CCDC88C: variants seen among roughly 807,000 people sequenced by gnomAD.
CCDC88C encodes coiled-coil and HOOK domain protein 88C.
Under a neutral mutation model 198.8 loss-of-function variants are expected in CCDC88C, and 131 were observed. That is an observed-to-expected ratio of 0.66 (90% confidence interval 0.57 to 0.76). The LOEUF (loss-of-function observed/expected upper bound fraction) is 0.76. Among genes scored for constraint, CCDC88C ranks in the 30% least tolerant of loss-of-function variants. The pLI is 0.00. For missense variants in CCDC88C, 2,553 were observed against 2,631.6 expected (o/e 0.97, Z 0.65); for synonymous variants, 1,166 against 1,114.7 (o/e 1.05, Z -0.92).
At chr14:91,393,578 G>A (rs1283747712) in intron 3 of CCDC88C, among the ~76,000 whole-genome samples, 1 of 152,180 alleles carries the variant, frequency 6.6e-6, no homozygotes, top group Non-Finnish European at 1.5e-5. Flanking sequence ...AACCACCAAC[G>A]CTTCCTTCTT....
Position 91,393,970 on chromosome 14 carries a change from G to A in CCDC88C, c.270+14689C>T, listed in dbSNP as rs190777147. ...GAGCACAAAAAGTGCCAGCTGCTCC[G>A]GAGTTTCTGTCCTTTAAGTAGCCAC... is the stretch of plus-strand genomic sequence containing the variant. On this transcript the variant is annotated intron_variant, in intron 3 of 29. Coordinates refer to ENST00000389857, the MANE Select transcript of CCDC88C (RefSeq NM_001080414.4). Among the ~76,000 whole-genome samples the A allele has an allele frequency of 1.8e-4, 27 of 152,324 alleles. No homozygotes were observed. The East Asian group carries it at 2.3e-3, about 13-fold the overall frequency.
intron 4 of CCDC88C, 119 bp downstream of exon 4, chr14:91,359,523 G>C (rs368437153): frequency 8.1e-6 from 6 of 740,290 alleles, no homozygotes; most frequent in Non-Finnish European, 1.4e-5. Context: ...TCACCAAAAC[G>C]ATCACGTGTT....
chr14:91,402,329 A>T (rs980256638), intron 3 of CCDC88C, among the ~76,000 whole-genome samples: 6 of 152,238 alleles, frequency 3.9e-5, no homozygotes, highest in African/African-American at 1.4e-4. Flanking sequence ...TTCCTTCTTC[A>T]AACAAAATGT....
At chr14:91,275,024 G>A (rs1889894735) in intron 29 of CCDC88C, among the ~76,000 whole-genome samples, 1 of 152,196 alleles carries the variant, frequency 6.6e-6, no homozygotes, top group Non-Finnish European at 1.5e-5. Flanking sequence ...GACGCCCAGA[G>A]AGTGGGGGCG....
chr14:91,373,245 C>G (rs141147841), intron 3 of CCDC88C, among the ~76,000 whole-genome samples: 12 of 152,140 alleles, frequency 7.9e-5, no homozygotes, highest in Non-Finnish European at 1.2e-4. Flanking sequence ...AAAACACACA[C>G]GATACCAGTG....
intron 1 of CCDC88C, 159 bp downstream of exon 1, chr14:91,417,472 C>T: frequency 6.7e-6 from 4 of 599,320 alleles, no homozygotes; most frequent in Non-Finnish European, 1.1e-5. Context: ...GCTCCGGACT[C>T]CAGGACGCGG....
At chr14:91,413,823 T>C (rs1028874021) in intron 2 of CCDC88C, among the ~76,000 whole-genome samples, 1 of 152,210 alleles carries the variant, frequency 6.6e-6, no homozygotes, top group Non-Finnish European at 1.5e-5. Context: ...GGTAACAGCC[T>C]CTTATCTGAG....
chr14:91,345,427 G>A (rs1378827556), intron 4 of CCDC88C, among the ~76,000 whole-genome samples: 6 of 151,774 alleles, frequency 4.0e-5, no homozygotes, highest in African/African-American at 9.7e-5. Flanking sequence ...TCCTGACCTC[G>A]TGATCTGCTC....
rs1048289883 is a variant in CCDC88C at position 91,284,896 on chromosome 14, G to A, written c.4442-1379C>T. 1.3e-5 allele frequency among the ~76,000 whole-genome samples: 2 copies of A among 152,198 alleles called. No individual in the cohort carries two copies. Among genetic ancestry groups the A allele is most frequent in the African/African-American group, 4.8e-5 (2 of 41,440 alleles). ...AGGATATGACAAAAATAACGGAGGT[G>A]GTACAGGGATGGCTAGAGACAGGAA... On this transcript the variant is annotated intron_variant, in intron 25 of 29. Coordinates refer to ENST00000389857, the MANE Select transcript of CCDC88C (RefSeq NM_001080414.4). The surrounding 1 kb of genome is among the most constrained non-coding windows in gnomAD (Gnocchi z 4.1).
intron 22 of CCDC88C, among the ~76,000 whole-genome samples, chr14:91,295,030 A>G (rs1998349): frequency 1 from 152,139 of 152,250 alleles, 76,015 homozygotes; most frequent in Middle Eastern, 1. Context: ...GGATTCCAAT[A>G]CGCGACTATG....
intron 3 of CCDC88C, among the ~76,000 whole-genome samples, chr14:91,391,935 C>T (rs1034801866): frequency 6.6e-6 from 1 of 151,984 alleles, no homozygotes; most frequent in African/African-American, 2.4e-5. Context: ...GAGACGGAGT[C>T]TTGCTCTGTC....
intron 4 of CCDC88C, among the ~76,000 whole-genome samples, chr14:91,358,175 C>T (rs935848754): frequency 3.9e-5 from 6 of 152,352 alleles, no homozygotes; most frequent in Middle Eastern, 3.4e-3. Context: ...AGACTGCTCT[C>T]CTACCAGCTT....
At chr14:91,359,617 GGA>G in intron 4 of CCDC88C, 23 bp downstream of exon 4, 1 of 1,589,820 alleles carries the variant, frequency 6.3e-7, no homozygotes, top group Non-Finnish European at 8.6e-7. Flanking sequence ...GCACCACAGG[GGA>G]GAAGGGAGCG....
At chr14:91,390,286 G>A (rs1330376385) in intron 3 of CCDC88C, among the ~76,000 whole-genome samples, 1 of 152,052 alleles carries the variant, frequency 6.6e-6, no homozygotes, top group Non-Finnish European at 1.5e-5. Context: ...TTTAAGCACG[G>A]CGTCTGGCAC....
intron 13 of CCDC88C, among the ~76,000 whole-genome samples, chr14:91,316,135 C>G (rs1219812946): frequency 1.3e-5 from 2 of 152,224 alleles, no homozygotes; most frequent in Non-Finnish European, 1.5e-5. Context: ...GTGATGTCAC[C>G]TGGCTGCTCA....
At chr14:91,406,797 C>T (rs530581750) in intron 3 of CCDC88C, among the ~76,000 whole-genome samples, 10 of 152,344 alleles carry the variant, frequency 6.6e-5, no homozygotes, top group East Asian at 1.9e-4. Flanking sequence ...GCATGGCTGT[C>T]GCGAGGGAGA....
At chr14:91,367,822 C>T (rs1301396442) in intron 3 of CCDC88C, among the ~76,000 whole-genome samples, 5 of 152,154 alleles carry the variant, frequency 3.3e-5, no homozygotes, top group Non-Finnish European at 4.4e-5. Flanking sequence ...ACACTCTCTG[C>T]GCTTCCCACG....
chr14:91,339,995 G>A lies in CCDC88C; in HGVS notation c.513C>T (p.Asp171=). The part of the protein sequence containing the change: ...EVTHNQENVF[D]LQWLELPDVA... ...CGTCGGGCAGCTCCAGCCACTGCAG[G>A]TCAAACACGTTCTCTTGGTTGTGAG... The change falls in exon 7 of 30, where the codon GAC becomes GAT. Residue 171 remains aspartate (D), a synonymous_variant. Transcript: ENST00000389857. This position sits in a 1 kb window ranked among gnomAD's most constrained non-coding sequence, Gnocchi z 5.8. The A allele has an allele frequency of 1.2e-6, 2 of 1,608,820 alleles. No individual in the cohort carries two copies. Among genetic ancestry groups the A allele is most frequent in the South Asian group, 1.1e-5 (1 of 89,602 alleles).
rs552890943 is a variant in CCDC88C at position 91,355,388 on chromosome 14, G to T, written c.340+4254C>A. Among the ~76,000 whole-genome samples the T allele has an allele frequency of 6.2e-4, 95 of 152,300 alleles. 1 individual carries two copies. The highest frequency in any genetic ancestry group is 2.2e-3 in the African/African-American group (93 of 41,568). On this transcript the variant is annotated intron_variant, in intron 4 of 29. Transcript: ENST00000389857. The stretch of plus-strand genomic sequence containing the variant: ...ATGGGGGCAGGCTCTTATAAGAGCC[G>T]TCATATAAAAGTGAGGGCGGGGTTC...
Sources: allele counts gnomAD v4.1 joint callset (sites outside exome capture counted in the v4.1 genomes callset), GRCh38; gene constraint gnomAD v4.1.1; non-coding constraint Gnocchi (gnomAD v3.1); transcripts MANE v1.5; gene names NCBI Gene and HGNC (gene_info 2026-07-23, HGNC 2026-07-21).